Variants in RBFOX1 observed in about 807,000 individuals in gnomAD.
RBFOX1 encodes the protein RNA binding protein fox-1 homolog 1.
RBFOX1 carries 8 observed loss-of-function variants against 57.7 expected under a neutral mutation model. That is an observed-to-expected ratio of 0.14 (90% CI 0.08 to 0.25). The LOEUF (loss-of-function observed/expected upper bound fraction) is 0.25. Ranked by LOEUF, RBFOX1 falls within the 10% of genes least tolerant of loss-of-function variation. The probability of loss-of-function intolerance (pLI) is 1.00; values close to 1 mark genes in which losing one functional copy is unlikely to be tolerated. For synonymous variants in RBFOX1, 326 were observed against 222.4 expected (o/e 1.47, Z -4.15); for missense variants, 611 against 548.5 (o/e 1.11, Z -1.14).
intron 3 of RBFOX1, among the ~76,000 whole-genome samples, chr16:5,717,023 T>C (rs2051728024): frequency 6.9e-6 from 1 of 144,188 alleles, no homozygotes; most frequent in Non-Finnish European, 1.5e-5. Flanking sequence ...CAGAAAAAAC[T>C]CTTAACTCCA....
chr16:5,617,781 T>C (rs992717732), intron 3 of RBFOX1, among the ~76,000 whole-genome samples: 1 of 152,254 alleles, frequency 6.6e-6, no homozygotes, highest in Non-Finnish European at 1.5e-5. Context: ...CTTTGATTTG[T>C]TGCAGAGCCC....
At chr16:5,568,556 A>C (rs2046154990) in intron 2 of RBFOX1, among the ~76,000 whole-genome samples, 1 of 152,132 alleles carries the variant, frequency 6.6e-6, no homozygotes, top group South Asian at 2.1e-4. Flanking sequence ...TTTGAGAGCT[A>C]GGCACTCAGG....
intron 1 of RBFOX1, among the ~76,000 whole-genome samples, chr16:5,390,121 T>G (rs2066363582): frequency 6.6e-6 from 1 of 152,170 alleles, no homozygotes; most frequent in South Asian, 2.1e-4. Context: ...GGTTATGAAT[T>G]CTAACACTGA....
At chr16:6,695,142 G>A (rs1038094720) in intron 3 of RBFOX1, among the ~76,000 whole-genome samples, 1 of 152,036 alleles carries the variant, frequency 6.6e-6, no homozygotes, top group Non-Finnish European at 1.5e-5. Flanking sequence ...AACAATGGCC[G>A]GGCGCAGTAG....
At chr16:6,238,800 G>T (rs983352147) in intron 1 of RBFOX1, among the ~76,000 whole-genome samples, 1 of 151,810 alleles carries the variant, frequency 6.6e-6, no homozygotes, top group African/African-American at 2.4e-5. Context: ...ATATTTATGG[G>T]GTACATGAGA....
intron 2 of RBFOX1, among the ~76,000 whole-genome samples, chr16:5,558,391 A>T (rs4577091): frequency 0.4 from 61,434 of 151,738 alleles, 12,727 homozygotes; most frequent in East Asian, 0.5. Context: ...CCACCTACCC[A>T]TCTGCAAGTT....
chr16:6,902,187 T>C (rs1277085592), intron 3 of RBFOX1, among the ~76,000 whole-genome samples: 9 of 152,218 alleles, frequency 5.9e-5, no homozygotes, highest in Non-Finnish European at 1.3e-4. Flanking sequence ...CTACCTCATG[T>C]GGTTCTTGAT....
chr16:5,696,615 C>A (rs1567409877), intron 3 of RBFOX1, among the ~76,000 whole-genome samples: 1 of 152,170 alleles, frequency 6.6e-6, no homozygotes, highest in African/African-American at 2.4e-5. Flanking sequence ...GTCCTTTGCA[C>A]CTCTATGTGA....
intron 4 of RBFOX1, among the ~76,000 whole-genome samples, chr16:7,349,586 A>T (rs1477451671): frequency 1.3e-5 from 2 of 151,946 alleles, no homozygotes; most frequent in African/African-American, 4.8e-5. Flanking sequence ...CCGTTTTGAT[A>T]GCTGACCCTC....
chr16:7,597,211 G>A, intron 8 of RBFOX1, 160 bp from the exon 9 acceptor site: 1 of 508,348 alleles, frequency 2.0e-6, no homozygotes, highest in Non-Finnish European at 3.5e-6. Flanking sequence ...TTTTAAAAAT[G>A]TATGATTTTG....
At chr16:6,565,261 C>CTTTTTTTTT (rs71145253) in intron 2 of RBFOX1, among the ~76,000 whole-genome samples, 1 of 147,716 alleles carries the variant, frequency 6.8e-6, no homozygotes, top group Non-Finnish European at 1.5e-5. Context: ...CTTTTCTTTT[C>CTTTTTTTTT]TTTTTTTTTG....
intron 3 of RBFOX1, among the ~76,000 whole-genome samples, chr16:7,018,967 AAAGCAATAAATAAATAAAT>A (rs1160632932): frequency 1.3e-5 from 2 of 151,676 alleles, no homozygotes; most frequent in East Asian, 3.9e-4. Flanking sequence ...AAAAAATTAA[AAAGCAATAAATAAATAAAT>A]AAGCAAAGAA....
chr16:6,529,650 G>T (rs2096629389), intron 2 of RBFOX1, among the ~76,000 whole-genome samples: 2 of 151,920 alleles, frequency 1.3e-5, no homozygotes, highest in South Asian at 4.2e-4. Context: ...GCTATGGTAT[G>T]AAGTAAGATA....
intron 5 of RBFOX1, among the ~76,000 whole-genome samples, chr16:7,562,534 A>G (rs2090644438): frequency 6.6e-6 from 1 of 152,186 alleles, no homozygotes; most frequent in African/African-American, 2.4e-5. Context: ...CAGTGCCCCA[A>G]GTAACCTAGG....
chr16:5,553,438 C>G lies in RBFOX1; in HGVS notation c.259-45464C>G, dbSNP rs370341105. Among the ~76,000 whole-genome samples the G allele has an allele frequency of 4.4e-4, 67 of 152,016 alleles. 1 individual carries two copies. In the East Asian group the frequency reaches 0.012, roughly 28 times the overall value. ...TCATGCCATTCTCCCGCCTCAGCCT[C>G]CCGAGTAGCTGGGACTACAGGCGCC... On this transcript the variant is annotated intron_variant, in intron 2 of 2. Transcript: ENST00000585867.
In RBFOX1 at chr16:5,710,622, G is replaced by A. The variant is rs543210435; in HGVS notation, c.318+111661G>A. The stretch of plus-strand genomic sequence containing the variant: ...TGATTGTTGTGGTTGGGGAGGGTTG[G>A]TGCACAGGATGTTTTAAAGAATTGC... On this transcript the variant is annotated intron_variant, in intron 3 of 19. Coordinates refer to the RBFOX1 transcript ENST00000641259. Among the ~76,000 whole-genome samples the A allele has an allele frequency of 2.5e-3, 387 of 152,324 alleles. 3 individuals are homozygous for A. The highest frequency in any genetic ancestry group is 3.4e-3 in the Middle Eastern group (1 of 294).
intron 11 of RBFOX1, among the ~76,000 whole-genome samples, chr16:7,640,976 TCTTG>T (rs2062694025): frequency 6.6e-6 from 1 of 151,676 alleles, no homozygotes; most frequent in African/African-American, 2.4e-5. Context: ...AACGGCAAGA[TCTTG>T]CTTGGTTCTT....
chr16:5,914,034 G>C (rs1326050575), intron 4 of RBFOX1, among the ~76,000 whole-genome samples: 1 of 152,206 alleles, frequency 6.6e-6, no homozygotes, highest in African/African-American at 2.4e-5. Context: ...TCAAACCTAG[G>C]TGTGTTTGAT....
intron 3 of RBFOX1, among the ~76,000 whole-genome samples, chr16:6,658,613 C>T (rs2154094992): frequency 6.6e-6 from 1 of 152,284 alleles, no homozygotes; most frequent in East Asian, 1.9e-4. Context: ...TTTATCCTCT[C>T]CTGTTTTTCT....
Sources: allele counts gnomAD v4.1 joint callset (sites outside exome capture counted in the v4.1 genomes callset), GRCh38; gene constraint gnomAD v4.1.1; transcripts MANE v1.5; gene names NCBI Gene and HGNC (gene_info 2026-07-23, HGNC 2026-07-21).